Variants in TJP1 observed in about 807,000 individuals in gnomAD.
TJP1 encodes the protein tight junction protein 1, also known as tight junction protein ZO-1.
In TJP1, 43 loss-of-function variants were observed where a neutral mutation model predicts 194.2. The observed-to-expected ratio is 0.22, with a 90% confidence interval of 0.17 to 0.29. The LOEUF (loss-of-function observed/expected upper bound fraction) is 0.29, where lower values mean the gene tolerates loss of function less well. Ranked by LOEUF, TJP1 falls within the 10% of genes least tolerant of loss-of-function variation. The pLI is 1.00. For synonymous variants in TJP1, 801 were observed against 779.0 expected, an observed-to-expected ratio of 1.03 and a Z score of -0.47; for missense variants, 1,971 against 2,185.7, an observed-to-expected ratio of 0.90 and a Z score of 1.96.
At chr15:29,753,952 T>A (rs1305841183) in intron 8 of TJP1, among the ~76,000 whole-genome samples, 1 of 152,148 alleles carries the variant, frequency 6.6e-6, no homozygotes, top group Non-Finnish European at 1.5e-5. Context: ...CTTATCAAAT[T>A]GGAGTTATGA....
At chr15:29,960,651 A>AAAG (rs1555461601) in intron 1 of TJP1, among the ~76,000 whole-genome samples, 2,259 of 150,856 alleles carry the variant, frequency 0.015, 63 homozygotes, top group African/African-American at 0.053. Flanking sequence ...AAAAAAAAAA[A>AAAG]GTAATAATCA....
intron 2 of TJP1, among the ~76,000 whole-genome samples, chr15:29,796,732 A>G (rs2048438683): frequency 6.6e-6 from 1 of 152,226 alleles, no homozygotes; most frequent in Admixed American, 6.5e-5. Flanking sequence ...AATAATTTTA[A>G]AAAGTATTTG....
At chr15:29,911,940 G>A (rs1043975565) in intron 2 of TJP1, among the ~76,000 whole-genome samples, 8 of 152,156 alleles carry the variant, frequency 5.3e-5, no homozygotes, top group African/African-American at 1.9e-4. Flanking sequence ...TGGGGAGTTC[G>A]CAATCCAATG....
rs1370568534 is a variant in TJP1, at chr15:29,700,699, G to GAAA, written c.*893_*895dup. On this transcript the variant is annotated 3_prime_UTR_variant, in exon 28 of 28. Transcript: ENST00000614355. ...TTCAAATGCATAGCCAGAAAGAACA[G>GAAA]AAAACCACCACTGCCCCTTGTCAAA... 5.9e-6 allele frequency: 1 copy of GAAA among 168,852 alleles called. No individual in the cohort carries two copies. Among genetic ancestry groups the GAAA allele is most frequent in the African/African-American group, 3.7e-5 (1 of 26,690 alleles). The allele number at this position is 168,852 out of a possible 1,614,324, so 10.5% of individuals were successfully genotyped here.
At chr15:29,821,347 T>G (rs1461591684) in intron 1 of TJP1, 1 of 152,240 alleles carries the variant, frequency 6.6e-6, no homozygotes, top group Non-Finnish European at 1.5e-5. Context: ...TAGGAATACT[T>G]TGTATTACTT....
In TJP1 at chr15:29,800,660, C is replaced by G. The variant is rs2048722787; in HGVS notation, c.70G>C (p.Val24Leu). The change falls in exon 2 of 28, where the codon GTG becomes CTG. Residue 24 changes from valine to leucine, a missense_variant. By Grantham distance (32) the Val-to-Leu change is conservative (BLOSUM62 1). This residue lies in a region of TJP1 where 245 missense variants were observed against 336.6 expected (regional missense o/e 0.73). Coordinates refer to ENST00000614355, the MANE Select transcript of TJP1 (RefSeq NM_001330239.4). The stretch of plus-strand genomic sequence containing the variant: ...CACAAACTTACCCTGTGAAGCGTCA[C>G]TGTATGTTGTTCCCATATAGCTGTT... ...EETAIWEQHT[V>L]TLHRAPGFGF... The G allele has an allele frequency of 3.1e-6, 5 of 1,613,960 alleles. No homozygotes were observed. Among genetic ancestry groups the G allele is most frequent in the Non-Finnish European group, 4.2e-6 (5 of 1,179,956 alleles).
At chr15:29,935,951 G>A (rs1221887547) in intron 2 of TJP1, among the ~76,000 whole-genome samples, 1 of 152,034 alleles carries the variant, frequency 6.6e-6, no homozygotes, top group Non-Finnish European at 1.5e-5. Context: ...TTCCTAGCCA[G>A]GGTTCCCTCT....
intron 23 of TJP1, among the ~76,000 whole-genome samples, chr15:29,715,133 ATC>A (rs2042484875): frequency 6.6e-6 from 1 of 152,084 alleles, no homozygotes; most frequent in African/African-American, 2.4e-5. Context: ...ACAAATCCAC[ATC>A]TGTTTTTGTT....
At chr15:29,731,078 A>AC (rs199993364) in intron 15 of TJP1, 15,783 of 526,040 alleles carry the variant, frequency 0.03, 170 homozygotes, top group East Asian at 0.052. Flanking sequence ...ATTTTGTTTT[A>AC]CTTTTTTTTT....
At chr15:29,909,188 A>C (rs1463496599) in intron 2 of TJP1, among the ~76,000 whole-genome samples, 8 of 151,010 alleles carry the variant, frequency 5.3e-5, no homozygotes, top group Non-Finnish European at 8.9e-5. Flanking sequence ...AAAAAGAAAA[A>C]TTAGCTGGGC....
chr15:29,832,789 T>C (rs956215721), intron 2 of TJP1, among the ~76,000 whole-genome samples: 3 of 152,228 alleles, frequency 2.0e-5, no homozygotes, highest in African/African-American at 7.2e-5. Flanking sequence ...ACTAAAAAGG[T>C]CTGGCTTTGC....
chr15:29,732,273 C>A (rs757546575), intron 15 of TJP1, 160 bp downstream of exon 15: 89 of 630,384 alleles, frequency 1.4e-4, no homozygotes, highest in Non-Finnish European at 2.1e-4. Context: ...GGAACAAGGA[C>A]ATGGTCACTG....
intron 2 of TJP1, among the ~76,000 whole-genome samples, chr15:29,887,803 C>T (rs1037593129): frequency 6.6e-6 from 1 of 152,282 alleles, no homozygotes; most frequent in African/African-American, 2.4e-5. Flanking sequence ...AAAGACTAAT[C>T]GCTTTCCAAT....
intron 2 of TJP1, among the ~76,000 whole-genome samples, chr15:29,884,733 T>C (rs1287544914): frequency 2.0e-5 from 3 of 152,162 alleles, no homozygotes; most frequent in African/African-American, 7.2e-5. Flanking sequence ...AGTTTAAGTT[T>C]ACAACTGAGC....
At chr15:29,967,956 G>C in intron 1 of TJP1, 1 of 597,030 alleles carries the variant, frequency 1.7e-6, no homozygotes, top group Non-Finnish European at 2.1e-6. Context: ...TCTCAAGCCA[G>C]TGGCATACCT....
At chr15:29,784,323 G>C (rs368815684) in intron 2 of TJP1, among the ~76,000 whole-genome samples, 2 of 151,840 alleles carry the variant, frequency 1.3e-5, no homozygotes, top group East Asian at 1.9e-4. Context: ...TTTTGAGACA[G>C]AGTTTCGCTC....
chr15:29,754,266 C>A (rs1487822229), intron 8 of TJP1, among the ~76,000 whole-genome samples: 4 of 152,106 alleles, frequency 2.6e-5, no homozygotes, highest in Non-Finnish European at 5.9e-5. Context: ...CAAACGAATG[C>A]AGGAACAGAA....
chr15:29,701,746 G>T, intron 27 of TJP1, 57 bp from the exon 28 acceptor site: 2 of 1,318,326 alleles, frequency 1.5e-6, no homozygotes, highest in South Asian at 1.2e-5. Context: ...TATCCGTAAT[G>T]CTTTGCAATT....
chr15:29,966,157 T>G (rs1237931391), intron 1 of TJP1, among the ~76,000 whole-genome samples: 1 of 152,228 alleles, frequency 6.6e-6, no homozygotes, highest in Admixed American at 6.5e-5. Context: ...TGTGACCAAA[T>G]GCTGCTAATA....
Sources: allele counts gnomAD v4.1 joint callset (sites outside exome capture counted in the v4.1 genomes callset), GRCh38; gene constraint gnomAD v4.1.1; regional missense constraint gnomAD v4.1.1; transcripts MANE v1.5; gene names NCBI Gene and HGNC (gene_info 2026-07-23, HGNC 2026-07-21).